KIF18A: variants seen among roughly 807,000 people sequenced by gnomAD.
KIF18A encodes kinesin-like protein KIF18A.
A neutral mutation model predicts 103.3 loss-of-function variants in KIF18A; 67 were observed. That is an observed-to-expected ratio of 0.65 (90% CI 0.53 to 0.79). The LOEUF is 0.79. Ranked by LOEUF, KIF18A falls within the 30% of genes least tolerant of loss-of-function variation. The pLI, the probability that KIF18A is intolerant of heterozygous loss-of-function variation, is 0.00. For missense variants in KIF18A, 1,032 were observed against 1,062.5 expected, an observed-to-expected ratio of 0.97 and a Z score of 0.40; for synonymous variants, 367 against 355.5, an observed-to-expected ratio of 1.03 and a Z score of -0.36.
At chr11:28,046,382 T>A (rs1462084778) in intron 13 of KIF18A, among the ~76,000 whole-genome samples, 1 of 149,372 alleles carries the variant, frequency 6.7e-6, no homozygotes, top group Non-Finnish European at 1.5e-5. Context: ...AATGATGAGT[T>A]CATGTCCTTT....
In KIF18A at chr11:28,049,117, T is replaced by C. The variant is rs534003142; in HGVS notation, c.1948+9809A>G. ...AACTAGTTTAGATGTCACTATATTA[T>C]TCATTTCTTATGCCAAATTTTCTAA... On this transcript the variant is annotated intron_variant, in intron 13 of 16. Coordinates refer to ENST00000263181, the MANE Select transcript of KIF18A (RefSeq NM_031217.4). 3.3e-5 allele frequency among the ~76,000 whole-genome samples: 5 copies of C among 152,198 alleles called. No homozygotes were observed. The South Asian group carries it at 1.0e-3, about 32-fold the overall frequency.
At chr11:28,022,636 ATCAGTGGGGCAGTAC>A (rs1190269148) in intron 16 of KIF18A, among the ~76,000 whole-genome samples, 1 of 152,170 alleles carries the variant, frequency 6.6e-6, no homozygotes, top group Non-Finnish European at 1.5e-5. Context: ...TTTTAAGAAG[ATCAGTGGGGCAGTAC>A]ACACCTAAAC....
intron 3 of KIF18A, among the ~76,000 whole-genome samples, chr11:28,093,111 C>T (rs1851325327): frequency 6.6e-6 from 1 of 151,868 alleles, no homozygotes; most frequent in Non-Finnish European, 1.5e-5. Flanking sequence ...TTATACACTG[C>T]CTTATCATTA....
At chr11:28,091,325 TG>T (rs769105366) in intron 4 of KIF18A, 83 bp downstream of exon 4, 10 of 648,682 alleles carry the variant, frequency 1.5e-5, no homozygotes, top group East Asian at 8.6e-5. Flanking sequence ...TCAAACAGGA[TG>T]GAAAGTAAGT....
At chr11:28,042,001 T>C (rs1258720996) in intron 13 of KIF18A, among the ~76,000 whole-genome samples, 1 of 151,692 alleles carries the variant, frequency 6.6e-6, no homozygotes, top group African/African-American at 2.4e-5. Flanking sequence ...CTGTCCTCTA[T>C]TCAGGAGTTC....
At chr11:28,094,822 C>CAA in intron 2 of KIF18A, 22 bp from the exon 3 acceptor site, 1 of 1,608,104 alleles carries the variant, frequency 6.2e-7, no homozygotes, top group Non-Finnish European at 8.5e-7. Flanking sequence ...AGAAAGGGAT[C>CAA]AAAACTCTTT....
intron 16 of KIF18A, 98 bp from the exon 17 acceptor site, chr11:28,021,380 A>T: frequency 9.8e-7 from 1 of 1,017,464 alleles, no homozygotes; most frequent in Non-Finnish European, 1.3e-6. Flanking sequence ...AGAAAGAAAA[A>T]TTTACTCTTG....
In KIF18A at chr11:28,077,039, C is replaced by G; in HGVS notation, c.1393G>C (p.Glu465Gln). The G allele has an allele frequency of 6.5e-7, 1 of 1,534,858 alleles. No homozygotes were observed. ...ACTTTGTCTTCAGAACACATCATTT[C>G]TATTTGTTTATGGCACTGTTGTTGG... ...FYQQQCHKQI[E>Q]MMCSEDKVEK... The change falls in exon 10 of 17, where the codon GAA (glutamate) becomes CAA (glutamine). Residue 465 changes from glutamate (E) to glutamine (Q), a missense_variant. Glu to Gln is a conservative substitution (Grantham distance 29). Coordinates refer to ENST00000263181, the MANE Select transcript of KIF18A (RefSeq NM_031217.4).
intron 1 of KIF18A, among the ~76,000 whole-genome samples, chr11:28,105,173 A>G (rs1389900239): frequency 1.3e-5 from 2 of 152,224 alleles, no homozygotes; most frequent in African/African-American, 4.8e-5. Context: ...TCGTCATAAC[A>G]ACCTATGACA....
chr11:28,084,829 T>A (rs758596726), intron 6 of KIF18A, 21 bp from the exon 7 acceptor site: 32 of 1,589,036 alleles, frequency 2.0e-5, no homozygotes, highest in Admixed American at 1.4e-4. Context: ...AAAAAAGAGA[T>A]CTTATGTCAT....
intron 1 of KIF18A, among the ~76,000 whole-genome samples, chr11:28,106,724 A>C (rs928394015): frequency 6.6e-6 from 1 of 152,160 alleles, no homozygotes; most frequent in African/African-American, 2.4e-5. Flanking sequence ...TAATTCCTGC[A>C]CTTTAGGAGG....
chr11:28,049,344 A>T (rs1850681973), intron 13 of KIF18A, among the ~76,000 whole-genome samples: 1 of 152,030 alleles, frequency 6.6e-6, no homozygotes, highest in Non-Finnish European at 1.5e-5. Context: ...TAATGGGTTT[A>T]AAATCCCTCT....
intron 3 of KIF18A, 66 bp from the exon 4 acceptor site, chr11:28,091,579 A>C: frequency 1.3e-6 from 1 of 746,996 alleles, no homozygotes; most frequent in South Asian, 1.8e-5. Flanking sequence ...CATCACACAT[A>C]CACTGCTAAT....
chr11:28,085,440 C>T (rs570066621), intron 6 of KIF18A, among the ~76,000 whole-genome samples: 3 of 152,276 alleles, frequency 2.0e-5, no homozygotes, highest in Admixed American at 2.0e-4. Context: ...CTCCTGGTTC[C>T]TCTTTGAAGT....
At chr11:28,080,204 T>C (rs1851147047) in intron 9 of KIF18A, among the ~76,000 whole-genome samples, 1 of 152,166 alleles carries the variant, frequency 6.6e-6, no homozygotes, top group Non-Finnish European at 1.5e-5. Flanking sequence ...ACCTAAGTTC[T>C]GGTTCTCTTC....
intron 3 of KIF18A, among the ~76,000 whole-genome samples, chr11:28,093,720 AACTCTTCC>A (rs1291074478): frequency 6.6e-6 from 1 of 152,182 alleles, no homozygotes. Flanking sequence ...ATAAGGGGAA[AACTCTTCC>A]TTATAGTAGA....
chr11:28,021,175 T>C lies in KIF18A; in HGVS notation c.*25A>G. The C allele has an allele frequency of 6.8e-7, 1 of 1,474,146 alleles. No individual in the cohort carries two copies. Among genetic ancestry groups the C allele is most frequent in the African/African-American group, 1.5e-5 (1 of 68,804 alleles). The allele number at this position is 1,474,146 out of a possible 1,614,324, so 91.3% of individuals were successfully genotyped here. ...CTTTGAAAAGCAGATTTGATCAACT[T>C]CATTTTGCTTGGTTTTGAAGTGATT... On this transcript the variant is annotated 3_prime_UTR_variant, in exon 17 of 17. Transcript: ENST00000263181.
intron 10 of KIF18A, among the ~76,000 whole-genome samples, chr11:28,072,722 G>T (rs1373918742): frequency 6.8e-6 from 1 of 146,650 alleles, no homozygotes; most frequent in Non-Finnish European, 1.5e-5. Context: ...CAATTGGGTT[G>T]AAAAAAGTCT....
chr11:28,055,534 T>A (rs1246741395), intron 13 of KIF18A, among the ~76,000 whole-genome samples: 1 of 152,126 alleles, frequency 6.6e-6, no homozygotes, highest in Non-Finnish European at 1.5e-5. Context: ...GAATTTAGGA[T>A]CTTTGTAAAT....
Sources: allele counts gnomAD v4.1 joint callset (sites outside exome capture counted in the v4.1 genomes callset), GRCh38; gene constraint gnomAD v4.1.1; transcripts MANE v1.5; gene names NCBI Gene and HGNC (gene_info 2026-07-23, HGNC 2026-07-21).